NEDD4L: variants seen among roughly 807,000 people sequenced by gnomAD.
NEDD4L encodes the protein E3 ubiquitin-protein ligase NEDD4-like.
NEDD4L carries 54 observed loss-of-function variants against 148.9 expected under a neutral mutation model. The observed-to-expected ratio is 0.36, with a 90% CI of 0.29 to 0.45. The LOEUF is 0.45. Ranked by LOEUF, NEDD4L falls within the 20% of genes least tolerant of loss-of-function variation. NEDD4L has a pLI of 1.00. For synonymous variants in NEDD4L, 433 were observed against 440.7 expected, an observed-to-expected ratio of 0.98 and a Z score of 0.22; for missense variants, 856 against 1,233.8, an observed-to-expected ratio of 0.69 and a Z score of 4.59.
chr18:58,113,948 C>T (rs1186859702), intron 1 of NEDD4L, among the ~76,000 whole-genome samples: 1 of 152,132 alleles, frequency 6.6e-6, no homozygotes, highest in Non-Finnish European at 1.5e-5. Context: ...GGACATGGGG[C>T]CTCAGTGCCC....
At chr18:58,270,810 A>G (rs1214601775) in intron 5 of NEDD4L, among the ~76,000 whole-genome samples, 1 of 151,928 alleles carries the variant, frequency 6.6e-6, no homozygotes, top group African/African-American at 2.4e-5. Context: ...ATCTGCTTGA[A>G]GTTTAGGTGT....
intron 1 of NEDD4L, among the ~76,000 whole-genome samples, chr18:58,077,295 T>G (rs957848395): frequency 2.7e-5 from 4 of 149,690 alleles, no homozygotes; most frequent in Middle Eastern, 3.4e-3. Flanking sequence ...GCTTCCTGAG[T>G]AGCTGGAGCT....
intron 1 of NEDD4L, among the ~76,000 whole-genome samples, chr18:58,148,504 A>G (rs1269142356): frequency 1.3e-5 from 2 of 152,230 alleles, no homozygotes; most frequent in South Asian, 2.1e-4. Flanking sequence ...AGCCAAGATC[A>G]GGAGACCAGT....
At chr18:58,322,571 G>C (rs1442879262) in intron 7 of NEDD4L, 85 bp downstream of exon 7, 3 of 546,032 alleles carry the variant, frequency 5.5e-6, no homozygotes, top group Non-Finnish European at 9.7e-6. Flanking sequence ...GCGTGCTGTG[G>C]ATATGGGTGG....
intron 2 of NEDD4L, among the ~76,000 whole-genome samples, chr18:58,180,860 CCT>C (rs2038780804): frequency 1.3e-5 from 2 of 152,220 alleles, no homozygotes; most frequent in East Asian, 1.9e-4. Context: ...AGGTGTACAG[CCT>C]CTGTCACCTG....
At chr18:58,394,805 A>G (rs1048780330) in intron 30 of NEDD4L, among the ~76,000 whole-genome samples, 2 of 152,252 alleles carry the variant, frequency 1.3e-5, no homozygotes, top group Non-Finnish European at 2.9e-5. Context: ...AGCTTTTAGT[A>G]TATGTGCAAG....
chr18:58,203,823 G>A lies in NEDD4L; in HGVS notation c.122+37962G>A, dbSNP rs144805422. ...GTGAATCAGACCCTAAAAACTTGTAGCATTTGAAAAATAACAACTGTGTAC... is the reference window on the plus strand; with the variant it reads ...GTGAATCAGACCCTAAAAACTTGTAACATTTGAAAAATAACAACTGTGTAC... On this transcript the variant is annotated intron_variant, in intron 2 of 30. Coordinates refer to ENST00000400345, the MANE Select transcript of NEDD4L (RefSeq NM_001144967.3). 2.9e-3 allele frequency among the ~76,000 whole-genome samples: 444 copies of A among 152,022 alleles called. 1 individual carries two copies. The highest frequency in any genetic ancestry group is 3.7e-3 in the Non-Finnish European group (249 of 67,992).
chr18:58,174,296 C>A (rs2037850685), intron 2 of NEDD4L, among the ~76,000 whole-genome samples: 1 of 151,828 alleles, frequency 6.6e-6, no homozygotes, highest in African/African-American at 2.4e-5. Flanking sequence ...ACATTTGATT[C>A]ATTAAAAGGC....
chr18:58,239,697 A>G (rs1376157213), intron 2 of NEDD4L, among the ~76,000 whole-genome samples: 3 of 152,230 alleles, frequency 2.0e-5, no homozygotes, highest in Non-Finnish European at 4.4e-5. Context: ...GGGTTGAGCA[A>G]TGGAGCAAAC....
At chr18:58,050,157 A>G (rs1385740600) in intron 1 of NEDD4L, among the ~76,000 whole-genome samples, 2 of 152,154 alleles carry the variant, frequency 1.3e-5, no homozygotes, top group African/African-American at 2.4e-5. Context: ...TAAGGAATAA[A>G]AATAATTTTG....
intron 4 of NEDD4L, among the ~76,000 whole-genome samples, chr18:58,250,400 G>A (rs968736711): frequency 6.6e-6 from 1 of 152,170 alleles, no homozygotes; most frequent in Non-Finnish European, 1.5e-5. Flanking sequence ...TGCCCGCCTT[G>A]GCCTCCCAAA....
chr18:58,342,947 C>G lies in NEDD4L; in HGVS notation c.1419C>G (p.Thr473=). ...CCGTACGTCGGGCTGTGAAAGACAC[C>G]CTTTCCAACCCACAGTCCCCACAGC... ...DSPVRRAVKD[T]LSNPQSPQPS... The change falls in exon 16 of 31, where the codon ACC becomes ACG. Residue 473 remains threonine (T), a synonymous_variant. Coordinates refer to ENST00000400345, the MANE Select transcript of NEDD4L (RefSeq NM_001144967.3). 1 of 1,612,572 alleles carries G rather than the reference C, an allele frequency of 6.2e-7. No individual in the cohort carries two copies. The highest frequency in any genetic ancestry group is 2.2e-5 in the East Asian group (1 of 44,778).
chr18:58,102,586 A>G lies in NEDD4L; in HGVS notation c.48+57878A>G, dbSNP rs183011208. ...TGCAGGTTCTCCCTCTGCAGATTCAACCAACTGCAGATTGAAGATATTCAG... is the reference window on the plus strand; with the variant it reads ...TGCAGGTTCTCCCTCTGCAGATTCAGCCAACTGCAGATTGAAGATATTCAG... On this transcript the variant is annotated intron_variant, in intron 1 of 30. Coordinates refer to ENST00000400345, the MANE Select transcript of NEDD4L (RefSeq NM_001144967.3). Among the ~76,000 whole-genome samples the G allele has an allele frequency of 2.6e-3, 392 of 152,332 alleles. 2 individuals carry two copies. The highest frequency in any genetic ancestry group is 8.6e-3 in the African/African-American group (359 of 41,568).
At chr18:58,257,660 C>G (rs754020737) in intron 5 of NEDD4L, among the ~76,000 whole-genome samples, 3 of 152,280 alleles carry the variant, frequency 2.0e-5, no homozygotes, top group Non-Finnish European at 4.4e-5. Flanking sequence ...CCTGATCGCT[C>G]CCTTTCAGTG....
At chr18:58,046,411 T>TG (rs11394157) in intron 1 of NEDD4L, 131,147 of 145,362 alleles carry the variant, frequency 0.9, 59,192 homozygotes, top group East Asian at 1. Context: ...TTGTGGGGGG[T>TG]GGGGGTGAGG....
At chr18:58,387,638 T>A (rs548690958) in intron 27 of NEDD4L, 140 bp downstream of exon 27, 2 of 996,974 alleles carry the variant, frequency 2.0e-6, no homozygotes, top group Non-Finnish European at 2.7e-6. Context: ...ATGTCTCTTA[T>A]AGGGCTTATT....
intron 5 of NEDD4L, among the ~76,000 whole-genome samples, chr18:58,299,332 G>T (rs908630047): frequency 6.6e-6 from 1 of 152,212 alleles, no homozygotes; most frequent in African/African-American, 2.4e-5. Flanking sequence ...CAAAGACTGA[G>T]CTTGGCTGAA....
At chr18:58,128,897 G>A (rs992408106) in intron 1 of NEDD4L, among the ~76,000 whole-genome samples, 2 of 152,192 alleles carry the variant, frequency 1.3e-5, no homozygotes, top group Non-Finnish European at 1.5e-5. Context: ...TCTACCTACA[G>A]TCACCTGCTG....
intron 1 of NEDD4L, among the ~76,000 whole-genome samples, chr18:58,066,521 T>C (rs2082605116): frequency 6.6e-6 from 1 of 151,104 alleles, no homozygotes; most frequent in Admixed American, 6.7e-5. Flanking sequence ...GTTTCAACCA[T>C]GTTGGCCAGG....
Sources: allele counts gnomAD v4.1 joint callset (sites outside exome capture counted in the v4.1 genomes callset), GRCh38; gene constraint gnomAD v4.1.1; transcripts MANE v1.5; gene names NCBI Gene and HGNC (gene_info 2026-07-23, HGNC 2026-07-21).